The following PLEKHM3 variants were observed in gnomAD, a reference collection of about 807,000 sequenced individuals.
PLEKHM3 encodes pleckstrin homology domain-containing family M member 3.
Under a neutral mutation model 81.8 loss-of-function variants are expected in PLEKHM3, and 45 were observed. The ratio of observed to expected loss-of-function variants is 0.55; its 90% CI spans 0.43 to 0.71. The LOEUF is 0.71. PLEKHM3 is among the 30% of genes least tolerant of loss of function. The pLI is 0.00. For missense variants in PLEKHM3, 788 were observed against 924.3 expected (o/e 0.85, Z 1.91); for synonymous variants, 352 against 356.4 (o/e 0.99, Z 0.14).
chr2:207,910,055 A>C (rs1688761596), intron 5 of PLEKHM3, among the ~76,000 whole-genome samples: 1 of 152,228 alleles, frequency 6.6e-6, no homozygotes, highest in Non-Finnish European at 1.5e-5. Flanking sequence ...AAGTCGCTGA[A>C]GAATTCTGCT....
At chr2:207,866,782 T>C (rs2092503542) in intron 6 of PLEKHM3, among the ~76,000 whole-genome samples, 1 of 152,202 alleles carries the variant, frequency 6.6e-6, no homozygotes, top group Admixed American at 6.5e-5. Flanking sequence ...AGCTCAGATC[T>C]ACCCTGTCTT....
At chr2:208,016,628 T>G (rs1692924079) in intron 1 of PLEKHM3, among the ~76,000 whole-genome samples, 1 of 122,810 alleles carries the variant, frequency 8.1e-6, no homozygotes, top group Non-Finnish European at 1.6e-5. Context: ...CCAACCTGGG[T>G]GACAGAGTGA....
intron 6 of PLEKHM3, among the ~76,000 whole-genome samples, chr2:207,878,848 T>A (rs1255840122): frequency 6.6e-6 from 1 of 152,010 alleles, no homozygotes; most frequent in East Asian, 1.9e-4. Context: ...TTTTTTATTT[T>A]TTTATTTTTT....
In PLEKHM3 at chr2:207,824,105, A is replaced by G. The variant is rs2092235105; in HGVS notation, c.*4214T>C. 6.6e-6 allele frequency: 1 copy of G among 152,228 alleles called. No homozygotes were observed. Among genetic ancestry groups the G allele is most frequent in the African/African-American group, 2.4e-5 (1 of 41,440 alleles). 9.4% of individuals were successfully genotyped at this position (152,228 alleles called of 1,614,324 possible). A position where few individuals can be genotyped will look rare whatever the true frequency, so the allele number is the denominator to read the frequency against. On this transcript the variant is annotated 3_prime_UTR_variant, in exon 8 of 8. Transcript: ENST00000427836. ...GGAAGAGTGATACAAGGTGTGCAAC[A>G]TATGAAGCTCCTAATGCCCATCACT... is the stretch of plus-strand genomic sequence containing the variant.
intron 7 of PLEKHM3, among the ~76,000 whole-genome samples, chr2:207,848,957 C>A (rs1358956383): frequency 6.6e-6 from 1 of 152,168 alleles, no homozygotes; most frequent in African/African-American, 2.4e-5. Flanking sequence ...AGCGGATAAA[C>A]CCTGTTAGAA....
At chr2:207,853,567 C>T (rs1178625477) in intron 7 of PLEKHM3, among the ~76,000 whole-genome samples, 2 of 151,520 alleles carry the variant, frequency 1.3e-5, no homozygotes, top group Non-Finnish European at 2.9e-5. Flanking sequence ...AACTCTGTCT[C>T]TACTAAAAAT....
chr2:207,904,790 C>A (rs139030244), intron 6 of PLEKHM3, among the ~76,000 whole-genome samples: 1 of 152,308 alleles, frequency 6.6e-6, no homozygotes, highest in East Asian at 1.9e-4. Flanking sequence ...GGTAAGGTAG[C>A]TTGAAATCTT....
At chr2:207,993,999 G>T (rs1179960971) in intron 2 of PLEKHM3, among the ~76,000 whole-genome samples, 3 of 152,208 alleles carry the variant, frequency 2.0e-5, no homozygotes, top group African/African-American at 7.2e-5. Context: ...CCATGAGTCA[G>T]GGTCAATTCA....
In PLEKHM3 at chr2:207,880,762, C is replaced by CAAAAAAAAA. The variant is rs61384566; in HGVS notation, c.1951-19509_1951-19501dup. ...TGGGAGACACAGCGAGACTCTGTCT[C>CAAAAAAAAA]AAAAAAAAAAAAAAAAAAAAAAAAA... On this transcript the variant is annotated intron_variant, in intron 6 of 7. Transcript: ENST00000427836. Among the ~76,000 whole-genome samples, 67 of 6,962 alleles carry CAAAAAAAAA rather than the reference C, an allele frequency of 9.6e-3. 14 individuals carry two copies. The highest frequency in any genetic ancestry group is 0.017 in the African/African-American group (63 of 3,708). The allele number at this position is 6,962 out of a possible 152,430, so 4.6% of individuals were successfully genotyped here.
intron 6 of PLEKHM3, among the ~76,000 whole-genome samples, chr2:207,904,434 G>A (rs1250874792): frequency 1.3e-5 from 2 of 152,052 alleles, no homozygotes; most frequent in Non-Finnish European, 2.9e-5. Context: ...TACACGTTAT[G>A]GCTAAACGCT....
rs1559219094 is a variant in PLEKHM3, at chr2:207,880,783, A to AAAAAAAAAAAAC, written c.1951-19522_1951-19521insGTTTTTTTTTTT. 5.0e-5 allele frequency among the ~76,000 whole-genome samples: 7 copies of AAAAAAAAAAAAC among 139,014 alleles called. 1 individual carries two copies. Among genetic ancestry groups the AAAAAAAAAAAAC allele is most frequent in the African/African-American group, 1.8e-4 (7 of 37,894 alleles). 91.2% of individuals were successfully genotyped at this position (139,014 alleles called of 152,430 possible). ...GTCTCAAAAAAAAAAAAAAAAAAAA[A>AAAAAAAAAAAAC]AAAAACCAAAAAAACAAACAAACAA... On this transcript the variant is annotated intron_variant, in intron 6 of 7. Transcript: ENST00000427836.
intron 5 of PLEKHM3, among the ~76,000 whole-genome samples, chr2:207,926,609 TAACTAGACCTTG>T (rs1689402024): frequency 6.6e-6 from 1 of 152,206 alleles, no homozygotes; most frequent in South Asian, 2.1e-4. Flanking sequence ...CATGAAAAGT[TAACTAGACCTTG>T]AACTAATTCA....
chr2:207,958,352 C>G (rs989147056), intron 3 of PLEKHM3, among the ~76,000 whole-genome samples: 9 of 152,148 alleles, frequency 5.9e-5, no homozygotes, highest in Non-Finnish European at 8.8e-5. Flanking sequence ...ACTTGAAAAA[C>G]AAGTGCATAA....
At chr2:207,831,341 CA>C (rs1214394076) in intron 7 of PLEKHM3, among the ~76,000 whole-genome samples, 6 of 152,220 alleles carry the variant, frequency 3.9e-5, no homozygotes, top group Admixed American at 3.9e-4. Context: ...GGGCTCCTGG[CA>C]GCCCAGCCAA....
rs150258596 is a variant in PLEKHM3, at chr2:208,005,320, A to C, written c.-318-3363T>G. Among the ~76,000 whole-genome samples, 121 of 152,234 alleles carry C rather than the reference A, an allele frequency of 7.9e-4. 1 individual carries two copies. Among genetic ancestry groups the C allele is most frequent in the African/African-American group, 2.5e-3 (105 of 41,520 alleles). The stretch of plus-strand genomic sequence containing the variant: ...TCTTCATATTTCCCTAATGTCCTCT[A>C]TCTATTCCAGGATCCTATACAGGAT... On this transcript the variant is annotated intron_variant, in intron 1 of 7. Transcript: ENST00000427836.
intron 3 of PLEKHM3, among the ~76,000 whole-genome samples, chr2:207,956,340 G>A (rs927516871): frequency 2.6e-5 from 4 of 151,972 alleles, no homozygotes; most frequent in Admixed American, 1.3e-4. Context: ...GGGCGTGGTG[G>A]TGGGTGCCTG....
chr2:207,913,080 G>T (rs113624349), intron 5 of PLEKHM3, among the ~76,000 whole-genome samples: 14 of 152,212 alleles, frequency 9.2e-5, no homozygotes, highest in African/African-American at 3.4e-4. Flanking sequence ...ATTCCCAGGA[G>T]CCAGTTTGCC....
At chr2:207,913,370 T>C (rs1014186160) in intron 5 of PLEKHM3, among the ~76,000 whole-genome samples, 4 of 150,876 alleles carry the variant, frequency 2.7e-5, no homozygotes, top group East Asian at 2.0e-4. Flanking sequence ...TATTTAGGAG[T>C]AGATAAACAG....
chr2:208,006,095 C>T (rs1052856531), intron 1 of PLEKHM3, among the ~76,000 whole-genome samples: 7 of 152,164 alleles, frequency 4.6e-5, no homozygotes, highest in Admixed American at 6.5e-5. Flanking sequence ...CTGCAGACAC[C>T]GTGACCTTCT....
Sources: gnomAD v4.1 joint callset for allele counts (sites outside exome capture counted in the v4.1 genomes callset) on GRCh38, gnomAD v4.1.1 for gene constraint, MANE v1.5 for transcripts, NCBI Gene and HGNC (gene_info 2026-07-23, HGNC 2026-07-21) for gene names.